Variants in ENTPD7 observed in about 807,000 individuals in gnomAD.
The protein encoded by ENTPD7 is NTPDase 7.
Under a neutral mutation model 77.9 loss-of-function variants are expected in ENTPD7, and 53 were observed. That is an observed-to-expected ratio of 0.68 (90% CI 0.55 to 0.85). ENTPD7 has a LOEUF of 0.85. ENTPD7 is among the 40% of genes least tolerant of loss of function. ENTPD7 has a pLI of 0.00. For missense variants in ENTPD7, 636 were observed against 743.7 expected (o/e 0.86, Z 1.68); for synonymous variants, 248 against 274.9 (o/e 0.90, Z 0.97).
intron 4 of ENTPD7, 28 bp from the exon 5 acceptor site, chr10:99,679,697 T>G: frequency 6.3e-7 from 1 of 1,592,250 alleles, no homozygotes; most frequent in Non-Finnish European, 8.5e-7. Flanking sequence ...TAAAGAAAGT[T>G]TTGTCTGTTT....
intron 7 of ENTPD7, among the ~76,000 whole-genome samples, chr10:99,690,888 C>T (rs901125032): frequency 3.6e-4 from 55 of 152,304 alleles, no homozygotes; most frequent in African/African-American, 1.3e-3. Context: ...TGTCCTTAGG[C>T]TATATCCTAC....
At chr10:99,699,259 G>A (rs1463367902) in intron 10 of ENTPD7, among the ~76,000 whole-genome samples, 1 of 152,174 alleles carries the variant, frequency 6.6e-6, no homozygotes, top group Non-Finnish European at 1.5e-5. Context: ...ATCACCCAGA[G>A]GGGCAAGCCC....
chr10:99,702,621 G>A lies in ENTPD7; in HGVS notation c.1531G>A (p.Val511Ile). Residue 511 changes from valine (V) to isoleucine (I), a missense_variant, in exon 12 of 13, where the codon GTT (valine) becomes ATT (isoleucine). Physicochemically the swap from Val to Ile is conservative, Grantham distance 29. Transcript: ENST00000370489. ...AGCCCAGCTGGTGTATGACCGAGAG[G>A]TTCAGTGGACGCTGGGAGCCATTCT... is the stretch of plus-strand genomic sequence containing the variant. ...RTAQLVYDREVQWTLGAILYK... is the reference protein window; with the variant it reads ...RTAQLVYDREIQWTLGAILYK... 1 of 1,613,714 alleles carries A rather than the reference G, an allele frequency of 6.2e-7. No homozygotes were observed. The highest frequency in any genetic ancestry group is 8.5e-7 in the Non-Finnish European group (1 of 1,179,874).
rs771881159 is a variant in ENTPD7 at position 99,679,729 on chromosome 10, C to A, written c.402C>A (p.Ile134=). The A allele has an allele frequency of 6.2e-7, 1 of 1,604,872 alleles. No homozygotes were observed. The highest frequency in any genetic ancestry group is 1.8e-5 in the Admixed American group (1 of 57,074). ...GTTTGTTTGTTTTAACTTAAGGAAT[C>A]TCTGCAATGGCAGACACTCCAGAAC... ...QPVVKKIKPG[I]SAMADTPEHA... Residue 134 remains isoleucine (I), a synonymous_variant, in exon 5 of 13, where the codon ATC becomes ATA. Transcript: ENST00000370489.
At position 99,709,181 on chromosome 10, in the gene ENTPD7, A is replaced by G. The variant is rs1216129174; in HGVS notation, c.*4498A>G. ...AGATGAAGGTATAAATGCCTATTAC[A>G]TCTACCTCATTAAAGAACTTCGTTG... On this transcript the variant is annotated 3_prime_UTR_variant, in exon 13 of 13. Coordinates refer to ENST00000370489, the MANE Select transcript of ENTPD7 (RefSeq NM_020354.5). The G allele has an allele frequency of 7.1e-6, 7 of 985,430 alleles. No individual in the cohort carries two copies. The highest frequency in any genetic ancestry group is 8.4e-6 in the Non-Finnish European group (7 of 829,916). 61.0% of individuals were successfully genotyped at this position (985,430 alleles called of 1,614,324 possible).
chr10:99,706,336 C>CTTTTT lies in ENTPD7; in HGVS notation c.*1660_*1664dup, dbSNP rs112095426. On this transcript the variant is annotated 3_prime_UTR_variant, in exon 13 of 13. Coordinates refer to ENST00000370489, the MANE Select transcript of ENTPD7 (RefSeq NM_020354.5). ...GATTAAGCATGCAAAGACTCTGTTC[C>CTTTTT]TTTTTTTTTTTCTTGGAGACAGGGC... is the stretch of plus-strand genomic sequence containing the variant. 6.8e-6 allele frequency: 1 copy of CTTTTT among 147,702 alleles called. No individual in the cohort carries two copies. Among genetic ancestry groups the CTTTTT allele is most frequent in the Non-Finnish European group, 1.5e-5 (1 of 66,828 alleles). The allele number at this position is 147,702 out of a possible 1,614,324, so 9.1% of individuals were successfully genotyped here.
In ENTPD7 at chr10:99,698,702, C is replaced by A. The variant is rs765395818; in HGVS notation, c.1179C>A (p.Ser393=). The A allele has an allele frequency of 3.1e-6, 5 of 1,614,184 alleles. No individual in the cohort carries two copies. In the South Asian group the frequency reaches 5.5e-5, roughly 18 times the overall value. Residue 393 remains serine (S), a synonymous_variant, in exon 10 of 13, where the codon TCC becomes TCA. Coordinates refer to ENST00000370489, the MANE Select transcript of ENTPD7 (RefSeq NM_020354.5). The stretch of plus-strand genomic sequence containing the variant: ...TGCTGAGCCCCCTGCTGGCTCGCTC[C>A]AACACCAGCCAGGCCTCACTCAATG... ...GAMLSPLLAR[S]NTSQASLNGI...
intron 3 of ENTPD7, among the ~76,000 whole-genome samples, chr10:99,671,797 T>C (rs535020314): frequency 6.6e-6 from 1 of 152,338 alleles, no homozygotes; most frequent in Admixed American, 6.5e-5. Context: ...AGAATGTCTT[T>C]TGTAGCTATT....
intron 3 of ENTPD7, among the ~76,000 whole-genome samples, chr10:99,672,696 A>G (rs182089533): frequency 1.3e-5 from 2 of 152,354 alleles, no homozygotes; most frequent in Non-Finnish European, 2.9e-5. Context: ...GGCAAGCAGT[A>G]ATCTTACAAT....
chr10:99,686,440 T>C (rs2035811868), intron 6 of ENTPD7, among the ~76,000 whole-genome samples: 1 of 152,172 alleles, frequency 6.6e-6, no homozygotes, highest in Non-Finnish European at 1.5e-5. Context: ...TTTGATGAAT[T>C]ATATTTCCAT....
intron 3 of ENTPD7, among the ~76,000 whole-genome samples, chr10:99,672,966 G>A (rs1406052671): frequency 6.6e-6 from 1 of 152,228 alleles, no homozygotes; most frequent in African/African-American, 2.4e-5. Context: ...CTCTAACGCT[G>A]TTAATGCTTT....
intron 3 of ENTPD7, among the ~76,000 whole-genome samples, chr10:99,675,424 G>A (rs1335625206): frequency 1.3e-5 from 2 of 151,684 alleles, no homozygotes; most frequent in African/African-American, 4.8e-5. Context: ...ATGATGTTAT[G>A]AAATCATGCT....
rs536567466 is a variant in ENTPD7, at chr10:99,709,371, G to A, written c.*4688G>A. On this transcript the variant is annotated 3_prime_UTR_variant, in exon 13 of 13. Coordinates refer to ENST00000370489, the MANE Select transcript of ENTPD7 (RefSeq NM_020354.5). Reference sequence around the variant, plus strand: ...AATAAGAATTATGGTAGAAATAGCAGATGTTTCAAATTCTCCCATATTAGT... The same window carrying A: ...AATAAGAATTATGGTAGAAATAGCAAATGTTTCAAATTCTCCCATATTAGT... The A allele has an allele frequency of 2.0e-5, 20 of 985,354 alleles. No individual in the cohort carries two copies. In the African/African-American group the frequency reaches 3.3e-4, roughly 16 times the overall value. The allele number at this position is 985,354 out of a possible 1,614,324, so 61.0% of individuals were successfully genotyped here. A position where few individuals can be genotyped will look rare whatever the true frequency, so the allele number is the denominator to read the frequency against.
chr10:99,710,063 C>G lies in ENTPD7; in HGVS notation c.*5380C>G. On this transcript the variant is annotated 3_prime_UTR_variant, in exon 13 of 13. Transcript: ENST00000370489. ...ATAGCCACACATGCATGACTTCAGG[C>G]TAGCATAAAGACATGTCTGCTCCTG... is the stretch of plus-strand genomic sequence containing the variant. The G allele has an allele frequency of 1.0e-6, 1 of 985,418 alleles. No homozygotes were observed. The highest frequency in any genetic ancestry group is 1.7e-5 in the African/African-American group (1 of 57,356). 61.0% of individuals were successfully genotyped at this position (985,418 alleles called of 1,614,324 possible).
At chr10:99,662,188 A>G (rs970606946) in intron 3 of ENTPD7, among the ~76,000 whole-genome samples, 11 of 152,008 alleles carry the variant, frequency 7.2e-5, no homozygotes, top group African/African-American at 2.7e-4. Context: ...CTGATTATTT[A>G]GTATGTTTAG....
At chr10:99,687,895 A>G (rs1478857015) in intron 6 of ENTPD7, among the ~76,000 whole-genome samples, 2 of 152,152 alleles carry the variant, frequency 1.3e-5, no homozygotes, top group African/African-American at 4.8e-5. Context: ...ATCCAGGGCC[A>G]AGCGGTAGGA....
intron 10 of ENTPD7, among the ~76,000 whole-genome samples, chr10:99,700,321 C>T (rs1454677406): frequency 6.6e-6 from 1 of 152,052 alleles, no homozygotes; most frequent in Admixed American, 6.6e-5. Context: ...TCCAAAATGA[C>T]AACGCTCCCC....
intron 8 of ENTPD7, 59 bp downstream of exon 8, chr10:99,691,577 A>T: frequency 6.3e-7 from 1 of 1,595,568 alleles, no homozygotes; most frequent in East Asian, 2.2e-5. Context: ...AGAAGGAAGG[A>T]CACTGTCTTT....
chr10:99,693,216 CT>C (rs2035912522), intron 8 of ENTPD7, among the ~76,000 whole-genome samples: 1 of 152,126 alleles, frequency 6.6e-6, no homozygotes, highest in African/African-American at 2.4e-5. Context: ...CAGTATTGTC[CT>C]GAGAGATCTG....
Sources: allele counts gnomAD v4.1 joint callset (sites outside exome capture counted in the v4.1 genomes callset), GRCh38; gene constraint gnomAD v4.1.1; transcripts MANE v1.5; gene names NCBI Gene and HGNC (gene_info 2026-07-23, HGNC 2026-07-21).